Variants in PICALM observed in about 807,000 individuals in gnomAD.
PICALM encodes phosphatidylinositol-binding clathrin assembly protein.
Under a neutral mutation model 80.5 loss-of-function variants are expected in PICALM, and 40 were observed. The ratio of observed to expected loss-of-function variants is 0.50; its 90% CI spans 0.39 to 0.65. The LOEUF (loss-of-function observed/expected upper bound fraction) is 0.65. PICALM is among the 30% of genes least tolerant of loss of function. PICALM has a pLI of 0.00. For synonymous variants in PICALM, 288 were observed against 260.3 expected (o/e 1.11, Z -1.02); for missense variants, 676 against 778.9 (o/e 0.87, Z 1.57).
intron 2 of PICALM, among the ~76,000 whole-genome samples, chr11:86,028,911 C>T (rs2095699755): frequency 6.6e-6 from 1 of 150,546 alleles, no homozygotes. Flanking sequence ...TCATCTCGCT[C>T]ACTGCAACCT....
chr11:86,003,758 G>A (rs1216293183), intron 8 of PICALM: 30 of 193,264 alleles, frequency 1.6e-4, no homozygotes, highest in Non-Finnish European at 8.5e-5. Flanking sequence ...CTAAAAGCTC[G>A]ACATACTACT....
intron 14 of PICALM, among the ~76,000 whole-genome samples, chr11:85,982,769 A>G (rs1466009175): frequency 1.3e-5 from 2 of 152,146 alleles, no homozygotes; most frequent in Non-Finnish European, 2.9e-5. Flanking sequence ...AGTGAACTAT[A>G]TCTAAGAAAC....
At chr11:86,060,678 A>G (rs373836010) in intron 1 of PICALM, among the ~76,000 whole-genome samples, 5 of 152,136 alleles carry the variant, frequency 3.3e-5, no homozygotes, top group East Asian at 1.9e-4. Context: ...AAGGCAATAC[A>G]ATGCAGCAAA....
At chr11:86,024,579 A>G (rs1481974752) in intron 3 of PICALM, among the ~76,000 whole-genome samples, 2 of 151,816 alleles carry the variant, frequency 1.3e-5, no homozygotes, top group African/African-American at 4.8e-5. Flanking sequence ...CTAAGCTATG[A>G]TGCTTTCCTG....
chr11:85,985,055 A>G (rs1383189536), intron 13 of PICALM, among the ~76,000 whole-genome samples: 1 of 152,176 alleles, frequency 6.6e-6, no homozygotes, highest in Non-Finnish European at 1.5e-5. Flanking sequence ...AAACCCAAGA[A>G]GCAAACAAAA....
intron 17 of PICALM, among the ~76,000 whole-genome samples, chr11:85,977,348 T>C (rs1354613263): frequency 6.6e-6 from 1 of 152,224 alleles, no homozygotes; most frequent in Non-Finnish European, 1.5e-5. Context: ...GAACCATCTA[T>C]CACTATGATG....
intron 8 of PICALM, among the ~76,000 whole-genome samples, chr11:86,006,009 C>T (rs114200763): frequency 1.6e-3 from 245 of 152,272 alleles, no homozygotes; most frequent in African/African-American, 5.5e-3. Flanking sequence ...TACACAGATA[C>T]ATGATGACGG....
At chr11:85,969,320 T>A (rs1471290407) in intron 19 of PICALM, among the ~76,000 whole-genome samples, 1 of 152,176 alleles carries the variant, frequency 6.6e-6, no homozygotes, top group African/African-American at 2.4e-5. Context: ...AAGTTATGCC[T>A]TAGGTAAGTA....
chr11:85,991,385 AG>A (rs2094772366), intron 12 of PICALM, among the ~76,000 whole-genome samples: 1 of 152,122 alleles, frequency 6.6e-6, no homozygotes, highest in East Asian at 1.9e-4. Flanking sequence ...TCATAGTACT[AG>A]GTACTGTATT....
At chr11:86,037,177 C>G (rs1416199210) in intron 1 of PICALM, among the ~76,000 whole-genome samples, 2 of 149,630 alleles carry the variant, frequency 1.3e-5, no homozygotes, top group Non-Finnish European at 3.0e-5. Context: ...ATCTCTTGAT[C>G]TCGTGATCTA....
At chr11:86,060,349 A>C (rs2096339956) in intron 1 of PICALM, among the ~76,000 whole-genome samples, 1 of 152,234 alleles carries the variant, frequency 6.6e-6, no homozygotes, top group Non-Finnish European at 1.5e-5. Context: ...GAAAAATAAC[A>C]GTATTTTCAA....
At chr11:86,018,257 AAAGG>A (rs2136415498) in intron 4 of PICALM, among the ~76,000 whole-genome samples, 1 of 152,320 alleles carries the variant, frequency 6.6e-6, no homozygotes, top group South Asian at 2.1e-4. Context: ...ATGGCATTCA[AAAGG>A]AAGGGGGAGT....
chr11:86,063,081 A>G (rs191213635), intron 1 of PICALM, among the ~76,000 whole-genome samples: 8 of 152,250 alleles, frequency 5.3e-5, no homozygotes, highest in African/African-American at 1.9e-4. Context: ...AAGGAGAAAC[A>G]ACTATGTCTA....
chr11:86,034,936 CA>C (rs1476510150), intron 1 of PICALM, among the ~76,000 whole-genome samples: 2 of 152,118 alleles, frequency 1.3e-5, no homozygotes, highest in Admixed American at 1.3e-4. Context: ...GGCAAGGTCA[CA>C]GGAGCTAAGT....
intron 17 of PICALM, 87 bp from the exon 18 acceptor site, chr11:85,976,769 A>G: frequency 1.3e-6 from 1 of 775,084 alleles, no homozygotes; most frequent in Non-Finnish European, 2.3e-6. Flanking sequence ...TAGTTCCACT[A>G]AAAAGAATTG....
chr11:85,984,123 AT>A lies in PICALM; in HGVS notation c.1409-151del, dbSNP rs926216992. The A allele has an allele frequency of 7.2e-6, 4 of 554,516 alleles. No homozygotes were observed. The Admixed American group carries it at 1.1e-4, about 16-fold the overall frequency. The allele number at this position is 554,516 out of a possible 1,614,324, so 34.3% of individuals were successfully genotyped here. On this transcript the variant is annotated intron_variant, in intron 13 of 19. Coordinates refer to ENST00000393346, the MANE Select transcript of PICALM (RefSeq NM_007166.4). ...TCAAGCAAAATGTTTTCTATATCACATTTTTCGCAGTGATTGCGTTTTCCCT... is the reference window on the plus strand; with the variant it reads ...TCAAGCAAAATGTTTTCTATATCACATTTTCGCAGTGATTGCGTTTTCCCT...
chr11:86,056,011 C>T (rs112356887), intron 1 of PICALM, among the ~76,000 whole-genome samples: 24,486 of 151,160 alleles, frequency 0.16, 2,524 homozygotes, highest in Middle Eastern at 0.24. Flanking sequence ...TGGCACATGC[C>T]TGTAGTCCCA....
chr11:86,040,350 T>C (rs1418302519), intron 1 of PICALM, among the ~76,000 whole-genome samples: 1 of 152,156 alleles, frequency 6.6e-6, no homozygotes, highest in Non-Finnish European at 1.5e-5. Flanking sequence ...CTCTTTCTAA[T>C]AACTTTTTAA....
chr11:85,985,462 C>T (rs578141830), intron 13 of PICALM, among the ~76,000 whole-genome samples: 5 of 152,252 alleles, frequency 3.3e-5, no homozygotes, highest in African/African-American at 1.2e-4. Context: ...TCCATAATCA[C>T]GTAACCCTTA....
Sources: allele counts gnomAD v4.1 joint callset (sites outside exome capture counted in the v4.1 genomes callset), GRCh38; gene constraint gnomAD v4.1.1; transcripts MANE v1.5; gene names NCBI Gene and HGNC (gene_info 2026-07-23, HGNC 2026-07-21).